Variants in RHOG observed in about 807,000 individuals in gnomAD.
The protein encoded by RHOG is ras homolog family member G.
A neutral mutation model predicts 12.3 loss-of-function variants in RHOG; 1 was observed. That is an observed-to-expected ratio of 0.08 (90% CI 0.03 to 0.39). RHOG has a LOEUF of 0.39. Among genes scored for constraint, RHOG ranks in the 10% least tolerant of loss-of-function variants. The pLI, the probability that RHOG is intolerant of heterozygous loss-of-function variation, is 0.99. For missense variants in RHOG, 114 were observed against 266.2 expected (o/e 0.43, Z 3.98); for synonymous variants, 129 against 116.0 (o/e 1.11, Z -0.72).
intron 1 of RHOG, among the ~76,000 whole-genome samples, chr11:3,831,415 T>G (rs7930314): frequency 6.6e-6 from 1 of 151,090 alleles, no homozygotes. Flanking sequence ...TGAGAGAGAG[T>G]GTGTGTGTGT....
In RHOG at chr11:3,829,244, G is replaced by A. The variant is rs538396083; in HGVS notation, c.-68-1038C>T. On this transcript the variant is annotated intron_variant, in intron 1 of 1. Coordinates refer to ENST00000351018, the MANE Select transcript of RHOG (RefSeq NM_001665.4). Reference sequence around the variant, plus strand: ...CCCAATCCAGGGTATTCTGGCAATGGGGAAATTTTTTTTTTTTTTTTTTTT... The same window carrying A: ...CCCAATCCAGGGTATTCTGGCAATGAGGAAATTTTTTTTTTTTTTTTTTTT... 1.2e-3 allele frequency among the ~76,000 whole-genome samples: 171 copies of A among 139,406 alleles called. 1 individual carries two copies. The highest frequency in any genetic ancestry group is 4.5e-3 in the African/African-American group (162 of 36,290). 91.5% of individuals were successfully genotyped at this position (139,406 alleles called of 152,430 possible).
chr11:3,831,586 C>G (rs966369240), intron 1 of RHOG, among the ~76,000 whole-genome samples: 1 of 152,200 alleles, frequency 6.6e-6, no homozygotes, highest in Non-Finnish European at 1.5e-5. Flanking sequence ...CCCAGCTCTG[C>G]TGACTCACTA....
intron 1 of RHOG, among the ~76,000 whole-genome samples, chr11:3,831,274 C>G (rs2135135837): frequency 6.6e-6 from 1 of 152,236 alleles, no homozygotes; most frequent in South Asian, 2.1e-4. Flanking sequence ...CTGCAAAGGA[C>G]CCAGGGCTTG....
At chr11:3,840,557 G>C (rs1273727014) in intron 1 of RHOG, 1 of 143,378 alleles carries the variant, frequency 7.0e-6, no homozygotes. Context: ...CAACTTCTGA[G>C]GACACCCCAC....
chr11:3,835,277 C>A (rs1341367903), intron 1 of RHOG, among the ~76,000 whole-genome samples: 1 of 152,190 alleles, frequency 6.6e-6, no homozygotes, highest in African/African-American at 2.4e-5. Flanking sequence ...AGTTCCTCTT[C>A]CTGGAATGCG....
At chr11:3,828,396 T>A (rs2090102589) in intron 1 of RHOG, among the ~76,000 whole-genome samples, 190 bp from the exon 2 acceptor site, 1 of 152,180 alleles carries the variant, frequency 6.6e-6, no homozygotes. Flanking sequence ...GGCAGTATAA[T>A]GTGGTAGAAA....
rs1237018280 is a variant in RHOG at position 3,827,638 on chromosome 11, T to A, written c.501A>T (p.Glu167Asp). The A allele has an allele frequency of 6.2e-7, 1 of 1,613,738 alleles. No individual in the cohort carries two copies. The highest frequency in any genetic ancestry group is 8.5e-7 in the Non-Finnish European group (1 of 1,180,008). The change falls in exon 2 of 2, where the codon GAA (glutamate) becomes GAT (aspartate). Residue 167 changes from glutamate (E) to aspartate (D), a missense_variant. Physicochemically the swap from Glu to Asp is conservative, Grantham distance 45. Around this residue, in one of 2 missense-constraint regions of RHOG, gnomAD observed 61 missense variants for 101.4 expected, o/e 0.60. Coordinates refer to ENST00000351018, the MANE Select transcript of RHOG (RefSeq NM_001665.4). The surrounding 1 kb of genome is among the most constrained non-coding windows in gnomAD (Gnocchi z 7.3). Reference sequence around the variant, plus strand: ...CAGCCCGGACAGCCTCGGCGAACACTTCCTTGACACCATCCTGTTGCAGGG... The same window carrying A: ...CAGCCCGGACAGCCTCGGCGAACACATCCTTGACACCATCCTGTTGCAGGG... The part of the protein sequence containing the change: ...CSALQQDGVK[E>D]VFAEAVRAVL...
chr11:3,828,478 G>GA (rs1449980643), intron 1 of RHOG, among the ~76,000 whole-genome samples: 1 of 152,104 alleles, frequency 6.6e-6, no homozygotes, highest in Non-Finnish European at 1.5e-5. Context: ...GTGTAACCCT[G>GA]AAAAAATTGC....
intron 1 of RHOG, among the ~76,000 whole-genome samples, chr11:3,835,837 A>AGTTTGTTT (rs76905884): frequency 2.0e-5 from 3 of 151,880 alleles, no homozygotes; most frequent in Non-Finnish European, 2.9e-5. Context: ...AAGCTCTACA[A>AGTTTGTTT]GTTTGTTTGT....
intron 1 of RHOG, among the ~76,000 whole-genome samples, chr11:3,840,242 T>G (rs1432040784): frequency 1.3e-5 from 2 of 152,092 alleles, no homozygotes; most frequent in Non-Finnish European, 2.9e-5. Context: ...AGGAACAGCG[T>G]CTGCTCACTA....
intron 1 of RHOG, among the ~76,000 whole-genome samples, chr11:3,838,047 T>C (rs2090167235): frequency 6.6e-6 from 1 of 152,210 alleles, no homozygotes. Flanking sequence ...CCAGGCTTTG[T>C]CTTTGGTTTC....
At chr11:3,834,794 C>T (rs1003513995) in intron 1 of RHOG, among the ~76,000 whole-genome samples, 9 of 152,094 alleles carry the variant, frequency 5.9e-5, no homozygotes, top group African/African-American at 2.2e-4. Flanking sequence ...AGGGGAGGAA[C>T]GGACTCTTAA....
At chr11:3,834,609 A>G (rs2090146957) in intron 1 of RHOG, among the ~76,000 whole-genome samples, 1 of 152,236 alleles carries the variant, frequency 6.6e-6, no homozygotes. Flanking sequence ...AGTATAGCCC[A>G]TGGGGGTCTA....
rs909704881 is a variant in RHOG at position 3,827,405 on chromosome 11, C to T, written c.*158G>A. 16 of 631,060 alleles carry T rather than the reference C, an allele frequency of 2.5e-5. No individual in the cohort carries two copies. The Admixed American group carries it at 4.0e-4, about 16-fold the overall frequency. The allele number at this position is 631,060 out of a possible 1,614,324, so 39.1% of individuals were successfully genotyped here. A position where few individuals can be genotyped will look rare whatever the true frequency, so the allele number is the denominator to read the frequency against. ...CCAAAGCCCCTTTCTCTGCAGGCCT[C>T]CTTAAGGAGAAAAAGGCACTCAGAG... is the stretch of plus-strand genomic sequence containing the variant. On this transcript the variant is annotated 3_prime_UTR_variant, in exon 2 of 2. Transcript: ENST00000351018. This position sits in a 1 kb window ranked among gnomAD's most constrained non-coding sequence, Gnocchi z 7.3.
Position 3,827,935 on chromosome 11 carries a change from A to G in RHOG, c.204T>C (p.Arg68=). ...CGTTGGTCTGAGGGTAGGAGAGTGT[A>G]CGGAGGCGGTCATACTCCTCCTGGC... The part of the protein sequence containing the change: ...TAGQEEYDRL[R]TLSYPQTNVF... The change falls in exon 2 of 2, where the codon CGT becomes CGC. Residue 68 remains arginine, a synonymous_variant. Coordinates refer to ENST00000351018, the MANE Select transcript of RHOG (RefSeq NM_001665.4). This position sits in a 1 kb window ranked among gnomAD's most constrained non-coding sequence, Gnocchi z 7.3. The G allele has an allele frequency of 1.2e-6, 2 of 1,614,252 alleles. No homozygotes were observed. Among genetic ancestry groups the G allele is most frequent in the Non-Finnish European group, 1.7e-6 (2 of 1,180,036 alleles).
At chr11:3,840,734 C>G (rs1377526350) in intron 1 of RHOG, 160 bp downstream of exon 1, 1 of 152,616 alleles carries the variant, frequency 6.6e-6, no homozygotes. Flanking sequence ...CCGTTCCCGC[C>G]CCGCCCGGCC....
rs2090080526 is a variant in RHOG, at chr11:3,827,080, G to A, written c.*483C>T. 5.9e-6 allele frequency: 1 copy of A among 170,246 alleles called. No individual in the cohort carries two copies. The highest frequency in any genetic ancestry group is 5.5e-5 in the Admixed American group (1 of 18,112). 10.5% of individuals were successfully genotyped at this position (170,246 alleles called of 1,614,324 possible). On this transcript the variant is annotated 3_prime_UTR_variant, in exon 2 of 2. Transcript: ENST00000351018. The surrounding 1 kb of genome is among the most constrained non-coding windows in gnomAD (Gnocchi z 7.3). ...CAAATGCGTAAGGCCTAGGCACAGA[G>A]GAGCAGGTTAGGGCACATTCACCTT...
chr11:3,829,009 G>C (rs886294513), intron 1 of RHOG, among the ~76,000 whole-genome samples: 29 of 151,842 alleles, frequency 1.9e-4, no homozygotes, highest in Admixed American at 6.6e-5. Flanking sequence ...ACTAAATATG[G>C]ACCCTTTCCA....
intron 1 of RHOG, among the ~76,000 whole-genome samples, chr11:3,828,836 G>C (rs1046325397): frequency 6.6e-6 from 1 of 151,674 alleles, no homozygotes; most frequent in Non-Finnish European, 1.5e-5. Flanking sequence ...TGGCCAGGAT[G>C]GTCTCGATCT....
Sources: gnomAD v4.1 joint callset for allele counts (sites outside exome capture counted in the v4.1 genomes callset) on GRCh38, gnomAD v4.1.1 for gene constraint, gnomAD v4.1.1 regional missense constraint, Gnocchi (gnomAD v3.1) non-coding constraint, MANE v1.5 for transcripts, NCBI Gene and HGNC (gene_info 2026-07-23, HGNC 2026-07-21) for gene names.